Variants in FARP1 observed in about 807,000 individuals in gnomAD.
The protein encoded by FARP1 is FERM, ARHGEF and pleckstrin domain-containing protein 1.
In FARP1, 52 loss-of-function variants were observed where a neutral mutation model predicts 128.8. That is an observed-to-expected ratio of 0.40 (90% CI 0.32 to 0.51). FARP1 has a LOEUF of 0.51. Ranked by LOEUF, FARP1 falls within the 20% of genes least tolerant of loss-of-function variation. FARP1 has a pLI of 0.45. For synonymous variants in FARP1, 580 were observed against 551.8 expected, an observed-to-expected ratio of 1.05 and a Z score of -0.72; for missense variants, 1,333 against 1,367.9, an observed-to-expected ratio of 0.97 and a Z score of 0.40.
chr13:98,312,592 C>G (rs117797826), intron 2 of FARP1, among the ~76,000 whole-genome samples: 12 of 152,226 alleles, frequency 7.9e-5, no homozygotes, highest in African/African-American at 2.2e-4. Flanking sequence ...GCTTCCCCCC[C>G]CACCGGAAAA....
intron 2 of FARP1, among the ~76,000 whole-genome samples, chr13:98,259,882 AGTGTGTGTGT>A (rs60886784): frequency 6.2e-5 from 8 of 128,870 alleles, no homozygotes; most frequent in South Asian, 6.3e-4. Context: ...ATACCTGAAA[AGTGTGTGTGT>A]GTGTGTGTGT....
chr13:98,233,510 G>C (rs1310083056), intron 2 of FARP1: 1 of 152,190 alleles, frequency 6.6e-6, no homozygotes, highest in African/African-American at 2.4e-5. Flanking sequence ...AGATAGACAA[G>C]CCCCAGGGTG....
intron 1 of FARP1, among the ~76,000 whole-genome samples, chr13:98,180,745 C>A (rs1878447405): frequency 6.6e-6 from 1 of 152,106 alleles, no homozygotes; most frequent in South Asian, 2.1e-4. Context: ...TAATGTTTAT[C>A]ATTTTAGTGG....
At chr13:98,256,957 A>ATATATATATATATATATATG (rs1883637649) in intron 2 of FARP1, among the ~76,000 whole-genome samples, 1 of 83,860 alleles carries the variant, frequency 1.2e-5, no homozygotes, top group Non-Finnish European at 2.1e-5. Flanking sequence ...GGATATATAT[A>ATATATATATATATATATATG]TATATATATA....
In FARP1 at chr13:98,153,381, A is replaced by G. The variant is rs1465544211; in HGVS notation, c.-24+9889A>G. ...TATATAAAATATGTTATATATAAAT[A>G]TATAATAAATAATACATTATATATA... On this transcript the variant is annotated intron_variant, in intron 1 of 26. Coordinates refer to ENST00000319562, the MANE Select transcript of FARP1 (RefSeq NM_005766.4). Among the ~76,000 whole-genome samples the G allele has an allele frequency of 2.1e-3, 251 of 121,680 alleles. 4 individuals are homozygous for G. The highest frequency in any genetic ancestry group is 6.7e-3 in the African/African-American group (243 of 36,540). The allele number at this position is 121,680 out of a possible 152,430, so 79.8% of individuals were successfully genotyped here. A position where few individuals can be genotyped will look rare whatever the true frequency, so the allele number is the denominator to read the frequency against.
At chr13:98,429,691 G>A (rs1891937389) in intron 17 of FARP1, among the ~76,000 whole-genome samples, 1 of 152,122 alleles carries the variant, frequency 6.6e-6, no homozygotes, top group Non-Finnish European at 1.5e-5. Flanking sequence ...AAGTGGGCAT[G>A]TGTCTGGACA....
chr13:98,192,901 A>G (rs1226394205), intron 1 of FARP1, among the ~76,000 whole-genome samples: 4 of 152,156 alleles, frequency 2.6e-5, no homozygotes, highest in Non-Finnish European at 5.9e-5. Context: ...TGAGATGTCT[A>G]TGTTTCTTCA....
intron 2 of FARP1, among the ~76,000 whole-genome samples, chr13:98,252,074 C>T (rs7335184): frequency 0.5 from 76,493 of 152,016 alleles, 20,942 homozygotes; most frequent in South Asian, 0.67. Flanking sequence ...TCTCAAACTC[C>T]TGACTTCAAG....
At chr13:98,423,233 A>G (rs1200101046) in intron 16 of FARP1, among the ~76,000 whole-genome samples, 1 of 152,194 alleles carries the variant, frequency 6.6e-6, no homozygotes, top group Non-Finnish European at 1.5e-5. Context: ...CTCTTTTGGC[A>G]ACACCATCAC....
intron 17 of FARP1, among the ~76,000 whole-genome samples, chr13:98,430,108 G>A (rs1345195635): frequency 6.6e-6 from 1 of 151,798 alleles, no homozygotes; most frequent in Admixed American, 6.6e-5. Context: ...TTTTAAATTA[G>A]CTGGGTGTGG....
chr13:98,315,727 CTG>C (rs897010611), intron 2 of FARP1, among the ~76,000 whole-genome samples: 8 of 152,142 alleles, frequency 5.3e-5, no homozygotes, highest in Admixed American at 1.3e-4. Context: ...GCAGAGGAGA[CTG>C]TGAATGCTTG....
At chr13:98,344,494 G>A (rs1002594458) in intron 3 of FARP1, among the ~76,000 whole-genome samples, 3 of 152,206 alleles carry the variant, frequency 2.0e-5, no homozygotes, top group African/African-American at 7.2e-5. Context: ...GCTTGAGGAG[G>A]CAGGGGCATC....
At chr13:98,318,082 T>C (rs1016652709) in intron 2 of FARP1, among the ~76,000 whole-genome samples, 1 of 148,720 alleles carries the variant, frequency 6.7e-6, no homozygotes, top group Non-Finnish European at 1.5e-5. Flanking sequence ...TTTTTTTTTT[T>C]TTTTTTGAAA....
chr13:98,179,132 A>G (rs1321047083), intron 1 of FARP1, among the ~76,000 whole-genome samples: 1 of 152,214 alleles, frequency 6.6e-6, no homozygotes, highest in African/African-American at 2.4e-5. Context: ...AAAAGGCTTA[A>G]TGGACTTACA....
rs1336594531 is a variant in FARP1, at chr13:98,444,552, C to T, written c.2797-1546C>T. On this transcript the variant is annotated intron_variant, in intron 24 of 26. Coordinates refer to ENST00000319562, the MANE Select transcript of FARP1 (RefSeq NM_005766.4). ...CAGGAGACTCATGGCGCGCAGGGCC[C>T]GTAACACGCTGGAGGCCAGGATGGA... Among the ~76,000 whole-genome samples the T allele has an allele frequency of 4.6e-5, 7 of 152,142 alleles. No individual in the cohort carries two copies. The East Asian group carries it at 7.7e-4, about 17-fold the overall frequency.
rs10536692 is a variant in FARP1 at position 98,308,033 on chromosome 13, CTTTTTTTT to C, written c.172-35704_172-35697del. ...CCCTCCGCCCGCCCCCACTCTCTCTCTTTTTTTTTTTTTTTTTTTTTTTTTTTTTTTTG... is the reference window on the plus strand; with the variant it reads ...CCCTCCGCCCGCCCCCACTCTCTCTCTTTTTTTTTTTTTTTTTTTTTTTTG... On this transcript the variant is annotated intron_variant, in intron 2 of 26. Coordinates refer to ENST00000319562, the MANE Select transcript of FARP1 (RefSeq NM_005766.4). 5.9e-3 allele frequency among the ~76,000 whole-genome samples: 100 copies of C among 16,978 alleles called. 9 individuals carry two copies. The highest frequency in any genetic ancestry group is 0.043 in the Middle Eastern group (2 of 46). The allele number at this position is 16,978 out of a possible 152,430, so 11.1% of individuals were successfully genotyped here.
intron 13 of FARP1, chr13:98,396,163 G>A (rs1433197670): frequency 1.3e-5 from 5 of 399,114 alleles, no homozygotes; most frequent in Non-Finnish European, 2.2e-5. Flanking sequence ...GCAAGCCAGC[G>A]CAGCTGCTCC....
chr13:98,370,786 G>T (rs1054072940), intron 5 of FARP1, among the ~76,000 whole-genome samples: 4 of 152,182 alleles, frequency 2.6e-5, no homozygotes, highest in African/African-American at 9.7e-5. Context: ...CCACTGCTTT[G>T]TGTTTTCTGA....
intron 2 of FARP1, among the ~76,000 whole-genome samples, chr13:98,250,353 C>T (rs771453388): frequency 3.3e-5 from 5 of 152,102 alleles, no homozygotes; most frequent in Non-Finnish European, 5.9e-5. Context: ...CTCACATAAT[C>T]TGTCAAAACT....
Sources: allele counts gnomAD v4.1 joint callset (sites outside exome capture counted in the v4.1 genomes callset), GRCh38; gene constraint gnomAD v4.1.1; transcripts MANE v1.5; gene names NCBI Gene and HGNC (gene_info 2026-07-23, HGNC 2026-07-21).